Variants in KLHL5 observed in about 807,000 individuals in gnomAD.
KLHL5 encodes the protein kelch-like protein 5.
A neutral mutation model predicts 77.7 loss-of-function variants in KLHL5; 48 were observed. The observed-to-expected ratio is 0.62, with a 90% CI of 0.49 to 0.79. KLHL5 has a LOEUF of 0.79. Ranked by LOEUF, KLHL5 falls within the 30% of genes least tolerant of loss-of-function variation. The pLI, the probability that KLHL5 is intolerant of heterozygous loss-of-function variation, is 0.00. For missense variants in KLHL5, 723 were observed against 859.7 expected (o/e 0.84, Z 1.99); for synonymous variants, 260 against 297.0 (o/e 0.88, Z 1.28).
the KLHL5 span, among the ~76,000 whole-genome samples, chr4:39,135,030 T>C: frequency 2.6e-5 from 4 of 152,136 alleles, no homozygotes; most frequent in African/African-American, 7.2e-5. Flanking sequence ...AATCACAGGG[T>C]AATCTGAACA....
At chr4:39,097,528 C>T (rs907565526) in intron 6 of KLHL5, among the ~76,000 whole-genome samples, 4 of 152,176 alleles carry the variant, frequency 2.6e-5, no homozygotes, top group African/African-American at 4.8e-5. Flanking sequence ...ATAGGTTGCA[C>T]GGAGAACTTA....
At chr4:39,120,924 A>T (rs1723167225) in intron 10 of KLHL5, 86 bp from the exon 11 acceptor site, 1 of 1,037,484 alleles carries the variant, frequency 9.6e-7, no homozygotes, top group Non-Finnish European at 1.5e-6. Context: ...CAACAAGTAC[A>T]GGCTGTTTCA....
intron 1 of KLHL5, among the ~76,000 whole-genome samples, chr4:39,050,234 G>A (rs1377934469): frequency 1.3e-5 from 2 of 152,116 alleles, no homozygotes; most frequent in African/African-American, 4.8e-5. Flanking sequence ...TATATAAACT[G>A]TTACACTTTG....
the KLHL5 span, among the ~76,000 whole-genome samples, chr4:39,142,026 G>C: frequency 6.6e-6 from 1 of 151,894 alleles, no homozygotes; most frequent in Non-Finnish European, 1.5e-5. Flanking sequence ...TATCACTCAC[G>C]ACCACCTCCA....
chr4:39,050,369 G>T (rs945238746), intron 1 of KLHL5, among the ~76,000 whole-genome samples: 2 of 152,190 alleles, frequency 1.3e-5, no homozygotes, highest in African/African-American at 4.8e-5. Flanking sequence ...GAGTCCAAGG[G>T]CAAGAAGTAC....
chr4:39,090,659 G>A lies in KLHL5; in HGVS notation c.1113+3932G>A, dbSNP rs537114278. ...AGATGGGGTTTCACCATGTTGGCCAGGCTGGTCTTGAACTCCTGACCTCAG... is the reference window on the plus strand; with the variant it reads ...AGATGGGGTTTCACCATGTTGGCCAAGCTGGTCTTGAACTCCTGACCTCAG... On this transcript the variant is annotated intron_variant, in intron 5 of 10. Coordinates refer to ENST00000504108, the MANE Select transcript of KLHL5 (RefSeq NM_015990.5). 7.9e-5 allele frequency among the ~76,000 whole-genome samples: 12 copies of A among 152,184 alleles called. No individual in the cohort carries two copies. The South Asian group carries it at 2.5e-3, about 32-fold the overall frequency.
chr4:39,069,285 C>T (rs1718184575), intron 1 of KLHL5, among the ~76,000 whole-genome samples: 2 of 151,916 alleles, frequency 1.3e-5, no homozygotes, highest in South Asian at 4.2e-4. Flanking sequence ...AGCCATGTCT[C>T]CAGCTAAAAG....
intron 1 of KLHL5, among the ~76,000 whole-genome samples, chr4:39,056,867 A>G (rs1717042956): frequency 6.6e-6 from 1 of 152,232 alleles, no homozygotes; most frequent in Non-Finnish European, 1.5e-5. Flanking sequence ...CATTTGCCAC[A>G]GCCATCCTAT....
At chr4:39,061,586 T>C (rs1197540086), upstream of KLHL5, among the ~76,000 whole-genome samples, 3 of 152,218 alleles carry the variant, frequency 2.0e-5, no homozygotes, top group African/African-American at 7.2e-5. Context: ...TTGTATTTGC[T>C]TTATCAATTT....
chr4:39,136,600 G>A, the KLHL5 span, among the ~76,000 whole-genome samples: 21 of 152,304 alleles, frequency 1.4e-4, 1 homozygote, highest in African/African-American at 4.6e-4. Context: ...CTACAGGGTG[G>A]GTGACCTGGC....
chr4:39,070,111 TTGACTC>T (rs1455837651), intron 1 of KLHL5, among the ~76,000 whole-genome samples: 1 of 152,132 alleles, frequency 6.6e-6, no homozygotes, highest in African/African-American at 2.4e-5. Context: ...CATCATGAAA[TTGACTC>T]TGATTGGTCT....
rs1719004628 is a variant in KLHL5, at chr4:39,076,083, T to C, written c.502T>C (p.Leu168=). ...EQTFKKMENY[L]RHKQLCDVIL... is the part of the protein sequence containing the mutation. ...AACATTTAAAAAAATGGAAAACTAT[T>C]TGAGACATAAACAGTTGTGTGATGT... The change falls in exon 2 of 11, where the codon TTG becomes CTG. Residue 168 remains leucine (L), a synonymous_variant. Transcript: ENST00000504108. The C allele has an allele frequency of 6.2e-7, 1 of 1,607,988 alleles. No homozygotes were observed. Among genetic ancestry groups the C allele is most frequent in the African/African-American group, 1.3e-5 (1 of 74,570 alleles).
In KLHL5 at chr4:39,124,163, G is replaced by T. The variant is rs1723385511; in HGVS notation, c.*3097G>T. Among the ~76,000 whole-genome samples the T allele has an allele frequency of 6.6e-6, 1 of 152,098 alleles. No individual in the cohort carries two copies. The highest frequency in any genetic ancestry group is 2.4e-5 in the African/African-American group (1 of 41,424). The stretch of plus-strand genomic sequence containing the variant: ...AACGTTGCTGAAAGAAATTAAAGAA[G>T]ACCTAAATAAATGGAAGACATCCTG... On this transcript the variant is annotated 3_prime_UTR_variant, in exon 11 of 11. Transcript: ENST00000504108.
chr4:39,075,004 C>T (rs1718870753), intron 1 of KLHL5, among the ~76,000 whole-genome samples: 1 of 152,130 alleles, frequency 6.6e-6, no homozygotes, highest in Non-Finnish European at 1.5e-5. Context: ...AACCTTTTCA[C>T]TTTTTCACAG....
intron 1 of KLHL5, among the ~76,000 whole-genome samples, chr4:39,051,230 A>G (rs1372979671): frequency 6.6e-6 from 1 of 152,216 alleles, no homozygotes; most frequent in African/African-American, 2.4e-5. Context: ...TAGCTTCACT[A>G]GCAGAATTCC....
At chr4:39,095,162 G>C (rs1298451060) in intron 5 of KLHL5, among the ~76,000 whole-genome samples, 2 of 152,072 alleles carry the variant, frequency 1.3e-5, no homozygotes, top group African/African-American at 4.8e-5. Flanking sequence ...TAGAAAAGAG[G>C]CAGATAAAGG....
At position 39,062,879 on chromosome 4, in the gene KLHL5, T is replaced by C. The variant is rs992306635; in HGVS notation, c.227T>C (p.Phe76Ser). 5.0e-6 allele frequency: 8 copies of C among 1,614,178 alleles called. No individual in the cohort carries two copies. The highest frequency in any genetic ancestry group is 6.8e-6 in the Non-Finnish European group (8 of 1,180,018). The change falls in exon 1 of 11, where the codon TTT becomes TCT. Residue 76 changes from phenylalanine to serine, a missense_variant. Around this residue, in one of 3 missense-constraint regions of KLHL5, gnomAD observed 221 missense variants for 222.1 expected, o/e 1.00. Transcript: ENST00000504108. The part of the protein sequence containing the change: ...IGYRRSSQLD[F>S]QNSPSWPMAS... ...TACCGAAGGTCCAGCCAACTGGATT[T>C]TCAGAATTCACCTTCTTGGCCAATG...
chr4:39,067,054 G>A (rs1055091761), intron 1 of KLHL5, among the ~76,000 whole-genome samples: 10 of 152,162 alleles, frequency 6.6e-5, no homozygotes, highest in Admixed American at 2.6e-4. Flanking sequence ...TAATGAACCA[G>A]TGGTGATACA....
In KLHL5 at chr4:39,086,510, T is replaced by A. The variant is rs999923308; in HGVS notation, c.901-5T>A. ...TATTGTTTATCTGCTATTTCTTCCCTCTAGGAGCATTTCATGGAAGTAATC... is the reference window on the plus strand; with the variant it reads ...TATTGTTTATCTGCTATTTCTTCCCACTAGGAGCATTTCATGGAAGTAATC... On this transcript the variant is annotated splice_region_variant and splice_polypyrimidine_tract_variant and intron_variant, in intron 4 of 10. Coordinates refer to ENST00000504108, the MANE Select transcript of KLHL5 (RefSeq NM_015990.5). 1 of 1,610,432 alleles carries A rather than the reference T, an allele frequency of 6.2e-7. No homozygotes were observed. The highest frequency in any genetic ancestry group is 8.5e-7 in the Non-Finnish European group (1 of 1,176,724).
Sources: gnomAD v4.1 joint callset for allele counts (sites outside exome capture counted in the v4.1 genomes callset) on GRCh38, gnomAD v4.1.1 for gene constraint, gnomAD v4.1.1 regional missense constraint, MANE v1.5 for transcripts, NCBI Gene and HGNC (gene_info 2026-07-23, HGNC 2026-07-21) for gene names.